LDLRAP1: variants seen among roughly 807,000 people sequenced by gnomAD.
The protein encoded by LDLRAP1 is low density lipoprotein receptor adapter protein 1.
Under a neutral mutation model 37.8 loss-of-function variants are expected in LDLRAP1, and 30 were observed. That is an observed-to-expected ratio of 0.79 (90% CI 0.59 to 1.08). LDLRAP1 has a LOEUF of 1.08. LDLRAP1 is among the 50% of genes least tolerant of loss of function. The pLI is 0.00. For synonymous variants in LDLRAP1, 156 were observed against 169.8 expected (o/e 0.92, Z 0.63); for missense variants, 375 against 401.6 (o/e 0.93, Z 0.57).
chr1:25,566,963 A>C lies in LDLRAP1; in HGVS notation c.898A>C (p.Thr300Pro). 1 of 1,613,512 alleles carries C rather than the reference A, an allele frequency of 6.2e-7. No homozygotes were observed. The highest frequency in any genetic ancestry group is 8.5e-7 in the Non-Finnish European group (1 of 1,180,016). ...CTGGGACAAGCCTGACAGCAGCGGC[A>C]CAGAGCAGGATGACCTCTTCAGCTT... ...VDWDKPDSSG[T>P]EQDDLFSF Residue 300 changes from threonine to proline, a missense_variant, in exon 9 of 9, where the codon ACA (threonine) becomes CCA (proline). Transcript: ENST00000374338.
rs1466787875 is a variant in LDLRAP1, at chr1:25,567,396, T to TG, written c.*409dup. The stretch of plus-strand genomic sequence containing the variant: ...CTCTTTCTAAGGACCCAAATTTCCC[T>TG]GGGGGCATCCTGCTTCCTGAAAGCT... On this transcript the variant is annotated 3_prime_UTR_variant, in exon 9 of 9. Coordinates refer to ENST00000374338, the MANE Select transcript of LDLRAP1 (RefSeq NM_015627.3). 6.4e-6 allele frequency: 2 copies of TG among 314,410 alleles called. No individual in the cohort carries two copies. Among genetic ancestry groups the TG allele is most frequent in the Non-Finnish European group, 1.2e-5 (2 of 162,036 alleles). The allele number at this position is 314,410 out of a possible 1,614,324, so 19.5% of individuals were successfully genotyped here. A position where few individuals can be genotyped will look rare whatever the true frequency, so the allele number is the denominator to read the frequency against.
At chr1:25,557,095 C>G (rs1327542243) in intron 3 of LDLRAP1, 58 bp from the exon 4 acceptor site, 19 of 1,303,350 alleles carry the variant, frequency 1.5e-5, no homozygotes, top group Admixed American at 1.2e-4. Flanking sequence ...TGCAGGGCTT[C>G]CCACATGTGC....
chr1:25,583,906 G>A, the LDLRAP1 span, among the ~76,000 whole-genome samples: 202 of 152,188 alleles, frequency 1.3e-3, no homozygotes, highest in Non-Finnish European at 2.4e-3. Flanking sequence ...CTTTTGTCTG[G>A]CTTCTCTCGC....
rs941205362 is a variant in LDLRAP1 at position 25,567,532 on chromosome 1, G to C, written c.*540G>C. On this transcript the variant is annotated 3_prime_UTR_variant, in exon 9 of 9. Transcript: ENST00000374338. ...CTTCCTCAGGGCCCAGCAGGCGGGGGTTTGAGCCCTGGACCCCAGGCTCTT... is the reference window on the plus strand; with the variant it reads ...CTTCCTCAGGGCCCAGCAGGCGGGGCTTTGAGCCCTGGACCCCAGGCTCTT... The C allele has an allele frequency of 4.4e-6, 1 of 228,496 alleles. No individual in the cohort carries two copies. The highest frequency in any genetic ancestry group is 8.8e-6 in the Non-Finnish European group (1 of 113,268). The allele number at this position is 228,496 out of a possible 1,614,324, so 14.2% of individuals were successfully genotyped here.
At chr1:25,579,181 C>T in the LDLRAP1 span, among the ~76,000 whole-genome samples, 4 of 152,208 alleles carry the variant, frequency 2.6e-5, no homozygotes, top group African/African-American at 7.2e-5. Flanking sequence ...AAGATGCACA[C>T]AGTCTGTTCT....
At chr1:25,549,433 C>T (rs898449150) in intron 1 of LDLRAP1, among the ~76,000 whole-genome samples, 27 of 152,190 alleles carry the variant, frequency 1.8e-4, no homozygotes, top group Non-Finnish European at 2.4e-4. Context: ...GCAGAACGGG[C>T]ACAAGGGCAT....
At chr1:25,560,013 C>T (rs72873743) in intron 4 of LDLRAP1, among the ~76,000 whole-genome samples, 5,004 of 142,716 alleles carry the variant, frequency 0.035, 284 homozygotes, top group African/African-American at 0.12. Context: ...AGACAGACAC[C>T]TTGAATGGGG....
At chr1:25,562,879 TG>T in intron 5 of LDLRAP1, 163 bp downstream of exon 5, 1 of 811,840 alleles carries the variant, frequency 1.2e-6, no homozygotes, top group Non-Finnish European at 2.1e-6. Context: ...ATCTGAAAAA[TG>T]GGAACAGCCG....
chr1:25,554,008 G>A lies in LDLRAP1; in HGVS notation c.175G>A (p.Glu59Lys). Reference sequence around the variant, plus strand: ...CAAGTACCTGGGCATGACGCTAGTGGAGCAGCCCAAGGGTGAGGAGCTGTC... The same window carrying A: ...CAAGTACCTGGGCATGACGCTAGTGAAGCAGCCCAAGGGTGAGGAGCTGTC... ...SLKYLGMTLV[E>K]QPKGEELSAA... The change falls in exon 2 of 9, where the codon GAG (glutamate) becomes AAG (lysine). Residue 59 changes from glutamate (E) to lysine (K), a missense_variant. Glu to Lys is a moderately conservative substitution (Grantham distance 56). Coordinates refer to ENST00000374338, the MANE Select transcript of LDLRAP1 (RefSeq NM_015627.3). This position sits in a 1 kb window ranked among gnomAD's most constrained non-coding sequence, Gnocchi z 5.4. 1 of 1,614,154 alleles carries A rather than the reference G, an allele frequency of 6.2e-7. No homozygotes were observed. Among genetic ancestry groups the A allele is most frequent in the South Asian group, 1.1e-5 (1 of 91,092 alleles).
chr1:25,585,110 GGT>G, the LDLRAP1 span, among the ~76,000 whole-genome samples: 2 of 152,146 alleles, frequency 1.3e-5, no homozygotes, highest in African/African-American at 4.8e-5. Flanking sequence ...AGGGCAGAGC[GGT>G]AAGAGTTGAG....
At chr1:25,558,202 C>A (rs2044256931) in intron 4 of LDLRAP1, among the ~76,000 whole-genome samples, 1 of 152,158 alleles carries the variant, frequency 6.6e-6, no homozygotes, top group African/African-American at 2.4e-5. Flanking sequence ...TTCCTGACAT[C>A]CATTGATGTA....
chr1:25,567,452 C>A lies in LDLRAP1; in HGVS notation c.*460C>A. 3.2e-6 allele frequency: 1 copy of A among 314,606 alleles called. No homozygotes were observed. 19.5% of individuals were successfully genotyped at this position (314,606 alleles called of 1,614,324 possible). A position where few individuals can be genotyped will look rare whatever the true frequency, so the allele number is the denominator to read the frequency against. Reference sequence around the variant, plus strand: ...ATTTCAGTGATTTTTCCCCCCACCCCCCAGCACAGGAGAGCACCCACAGCC... The same window carrying A: ...ATTTCAGTGATTTTTCCCCCCACCCACCAGCACAGGAGAGCACCCACAGCC... On this transcript the variant is annotated 3_prime_UTR_variant, in exon 9 of 9. Transcript: ENST00000374338.
At chr1:25,559,670 G>A (rs574107461) in intron 4 of LDLRAP1, among the ~76,000 whole-genome samples, 3 of 152,356 alleles carry the variant, frequency 2.0e-5, no homozygotes, top group Non-Finnish European at 4.4e-5. Context: ...CCAGCATGGT[G>A]TAAATACATC....
At chr1:25,552,089 CT>C (rs2044084985) in intron 1 of LDLRAP1, among the ~76,000 whole-genome samples, 1 of 152,154 alleles carries the variant, frequency 6.6e-6, no homozygotes, top group Admixed American at 6.5e-5. Context: ...TACAAGGCTC[CT>C]TCTGGCTGTG....
At chr1:25,571,884 C>A (rs1485030941), downstream of LDLRAP1, among the ~76,000 whole-genome samples, 1 of 152,226 alleles carries the variant, frequency 6.6e-6, no homozygotes, top group Non-Finnish European at 1.5e-5. Context: ...ACCTGCTGAG[C>A]CCCAGCACGG....
intron 1 of LDLRAP1, among the ~76,000 whole-genome samples, chr1:25,550,458 G>A (rs2044046622): frequency 1.3e-5 from 2 of 152,208 alleles, no homozygotes; most frequent in South Asian, 4.1e-4. Flanking sequence ...AGGGCATTTA[G>A]GATAGAGGGA....
chr1:25,565,150 T>G (rs147199946), intron 7 of LDLRAP1, 23 bp from the exon 8 acceptor site: 2 of 1,613,842 alleles, frequency 1.2e-6, no homozygotes, highest in Non-Finnish European at 1.7e-6. Context: ...ATAGTTCTTA[T>G]CTCCTGCTTT....
the LDLRAP1 span, among the ~76,000 whole-genome samples, chr1:25,582,123 C>T: frequency 6.6e-6 from 1 of 152,178 alleles, no homozygotes; most frequent in African/African-American, 2.4e-5. Flanking sequence ...GCCATGGCTT[C>T]CCCTTGGGCC....
At chr1:25,583,336 C>A in the LDLRAP1 span, among the ~76,000 whole-genome samples, 1 of 151,474 alleles carries the variant, frequency 6.6e-6, no homozygotes, top group South Asian at 2.1e-4. Flanking sequence ...ATTACAGGAG[C>A]CTGCCACCAT....
Sources: allele counts gnomAD v4.1 joint callset (sites outside exome capture counted in the v4.1 genomes callset), GRCh38; gene constraint gnomAD v4.1.1; non-coding constraint Gnocchi (gnomAD v3.1); transcripts MANE v1.5; gene names NCBI Gene and HGNC (gene_info 2026-07-23, HGNC 2026-07-21).